The following FARS2 variants were observed in gnomAD, a reference collection of about 807,000 sequenced individuals.
The protein encoded by FARS2 is phenylalanyl-tRNA synthetase 2, mitochondrial.
FARS2 carries 40 observed loss-of-function variants against 46.4 expected under a neutral mutation model. The ratio of observed to expected loss-of-function variants is 0.86; its 90% confidence interval spans 0.67 to 1.12. The LOEUF (loss-of-function observed/expected upper bound fraction) is 1.12, where lower values mean the gene tolerates loss of function less well. FARS2 is among the 50% of genes most tolerant of loss of function. The pLI is 0.00. For synonymous variants in FARS2, 234 were observed against 214.9 expected (o/e 1.09, Z -0.78); for missense variants, 513 against 567.9 (o/e 0.90, Z 0.98).
At chr6:5,707,530 A>G (rs1758833302) in intron 6 of FARS2, among the ~76,000 whole-genome samples, 1 of 152,212 alleles carries the variant, frequency 6.6e-6, no homozygotes, top group East Asian at 1.9e-4. Context: ...AGGAAAGCCA[A>G]AACTAGAGCT....
At chr6:5,585,111 CA>C in intron 5 of FARS2, among the ~76,000 whole-genome samples, 1 of 152,054 alleles carries the variant, frequency 6.6e-6, no homozygotes, top group African/African-American at 2.4e-5. Flanking sequence ...GTGGGGAAAA[CA>C]AATATTTACT....
chr6:5,290,700 G>A (rs1340588032), intron 1 of FARS2, among the ~76,000 whole-genome samples: 1 of 152,164 alleles, frequency 6.6e-6, no homozygotes, highest in Admixed American at 6.5e-5. Flanking sequence ...AATAATTCTA[G>A]AATGGCAGCA....
At chr6:5,609,203 C>T in intron 5 of FARS2, 3 of 1,182,804 alleles carry the variant, frequency 2.5e-6, no homozygotes, top group Non-Finnish European at 3.7e-6. Context: ...TGGCTCTCCT[C>T]TCCGGCTAAG....
At chr6:5,620,224 G>T (rs139047265) in intron 6 of FARS2, among the ~76,000 whole-genome samples, 2 of 151,956 alleles carry the variant, frequency 1.3e-5, no homozygotes, top group African/African-American at 4.8e-5. Context: ...ACACATACAC[G>T]CACACACATG....
In FARS2 at chr6:5,718,891, C is replaced by G. The variant is rs150389464; in HGVS notation, c.1218-52400C>G. ...GTTATCTAGAATCTTCCTGCTAATA[C>G]TGAATCTTTGGTTCTTCTGAGCCAC... On this transcript the variant is annotated intron_variant, in intron 6 of 6. Coordinates refer to ENST00000274680, the MANE Select transcript of FARS2 (RefSeq NM_006567.5). Among the ~76,000 whole-genome samples the G allele has an allele frequency of 2.7e-3, 410 of 152,284 alleles. 7 individuals carry two copies. In the East Asian group the frequency reaches 0.04, roughly 15 times the overall value.
chr6:5,771,263 C>G (rs1037000506), intron 6 of FARS2, 28 bp from the exon 7 acceptor site: 1 of 1,613,740 alleles, frequency 6.2e-7, no homozygotes, highest in Non-Finnish European at 8.5e-7. Flanking sequence ...TCATCCCGCA[C>G]TCACCTGTGT....
At chr6:5,506,609 G>A (rs140341495) in intron 4 of FARS2, among the ~76,000 whole-genome samples, 478 of 152,262 alleles carry the variant, frequency 3.1e-3, no homozygotes, top group Non-Finnish European at 5.4e-3. Flanking sequence ...ATTCCAGACG[G>A]GTATCACTCT....
intron 5 of FARS2, among the ~76,000 whole-genome samples, chr6:5,553,403 C>T (rs991673368): frequency 6.6e-6 from 1 of 152,130 alleles, no homozygotes; most frequent in African/African-American, 2.4e-5. Flanking sequence ...ATTTAATTTT[C>T]TCAGTAACCC....
intron 1 of FARS2, among the ~76,000 whole-genome samples, chr6:5,297,776 T>TA (rs1767999268): frequency 6.6e-6 from 1 of 152,268 alleles, no homozygotes; most frequent in Non-Finnish European, 1.5e-5. Flanking sequence ...ATGTTCTTGT[T>TA]ATTTAAAACA....
chr6:5,270,947 C>G (rs1765903125), intron 1 of FARS2, among the ~76,000 whole-genome samples: 1 of 152,174 alleles, frequency 6.6e-6, no homozygotes, highest in South Asian at 2.1e-4. Flanking sequence ...TCAAAGCTAC[C>G]TTCTCTAACT....
chr6:5,690,133 G>C (rs1464572329), intron 6 of FARS2, among the ~76,000 whole-genome samples: 1 of 152,028 alleles, frequency 6.6e-6, no homozygotes, highest in East Asian at 1.9e-4. Flanking sequence ...CACACTGATG[G>C]GTCTTGACTT....
chr6:5,679,982 A>G (rs1778954077), intron 6 of FARS2, among the ~76,000 whole-genome samples: 2 of 152,184 alleles, frequency 1.3e-5, no homozygotes, highest in Non-Finnish European at 2.9e-5. Flanking sequence ...TTTCCTAAAG[A>G]GTTGTTCTCC....
At chr6:5,455,167 C>T (rs895056939) in intron 4 of FARS2, among the ~76,000 whole-genome samples, 4 of 152,026 alleles carry the variant, frequency 2.6e-5, no homozygotes, top group African/African-American at 9.7e-5. Context: ...CATTCAAAAC[C>T]GTCTTGGTTA....
At chr6:5,359,338 G>T (rs1561983136) in intron 1 of FARS2, among the ~76,000 whole-genome samples, 1 of 152,074 alleles carries the variant, frequency 6.6e-6, no homozygotes, top group African/African-American at 2.4e-5. Flanking sequence ...ATTGCTCCCG[G>T]CCAAGATATC....
intron 3 of FARS2, among the ~76,000 whole-genome samples, chr6:5,425,341 G>T (rs1234077994): frequency 6.6e-6 from 1 of 152,196 alleles, no homozygotes; most frequent in Admixed American, 6.5e-5. Context: ...ATGGGAAACA[G>T]CAGAAGAATC....
chr6:5,303,475 C>T (rs1013328713), intron 1 of FARS2, among the ~76,000 whole-genome samples: 5 of 152,108 alleles, frequency 3.3e-5, no homozygotes, highest in Middle Eastern at 3.4e-3. Context: ...TAGGGCTGAG[C>T]GCACACCTTT....
chr6:5,473,431 G>A (rs188803724), intron 4 of FARS2, among the ~76,000 whole-genome samples: 2 of 151,966 alleles, frequency 1.3e-5, no homozygotes, highest in African/African-American at 4.8e-5. Flanking sequence ...GGAGGCTGAG[G>A]CAGGAGAATG....
At chr6:5,378,564 T>C (rs1759538674) in intron 2 of FARS2, among the ~76,000 whole-genome samples, 1 of 152,208 alleles carries the variant, frequency 6.6e-6, no homozygotes, top group Non-Finnish European at 1.5e-5. Flanking sequence ...TATTCCTGCT[T>C]TCTGCTCTGA....
intron 4 of FARS2, among the ~76,000 whole-genome samples, chr6:5,515,416 TTTTTTA>T (rs149947375): frequency 0.018 from 2,700 of 152,058 alleles, 65 homozygotes; most frequent in African/African-American, 0.062. Context: ...GATTCAGCGT[TTTTTTA>T]TTTTTATTTT....
Sources: allele counts gnomAD v4.1 joint callset (sites outside exome capture counted in the v4.1 genomes callset), GRCh38; gene constraint gnomAD v4.1.1; transcripts MANE v1.5; gene names NCBI Gene and HGNC (gene_info 2026-07-23, HGNC 2026-07-21).